Variants in CSMD3 observed in about 807,000 individuals in gnomAD.
CSMD3 encodes CUB and sushi domain-containing protein 3.
A neutral mutation model predicts 435.2 loss-of-function variants in CSMD3; 177 were observed. The ratio of observed to expected loss-of-function variants is 0.41; its 90% CI spans 0.36 to 0.46. The LOEUF (loss-of-function observed/expected upper bound fraction) is 0.46. Among genes scored for constraint, CSMD3 ranks in the 20% least tolerant of loss-of-function variants. The pLI is 0.34. For synonymous variants in CSMD3, 1,656 were observed against 1,520.5 expected (o/e 1.09, Z -2.07); for missense variants, 4,265 against 4,504.6 (o/e 0.95, Z 1.52).
chr8:112,421,106 C>G (rs982173969), intron 32 of CSMD3, among the ~76,000 whole-genome samples: 1 of 150,818 alleles, frequency 6.6e-6, no homozygotes, highest in Non-Finnish European at 1.5e-5. Flanking sequence ...CTTAACTTTG[C>G]AAAAAAAATC....
intron 11 of CSMD3, among the ~76,000 whole-genome samples, chr8:112,848,089 G>C (rs901330601): frequency 2.6e-5 from 4 of 152,146 alleles, no homozygotes; most frequent in African/African-American, 7.2e-5. Flanking sequence ...TTTGGGGCAA[G>C]TGTCCATAAA....
At chr8:113,144,874 A>G (rs1424598079) in intron 4 of CSMD3, among the ~76,000 whole-genome samples, 1 of 151,700 alleles carries the variant, frequency 6.6e-6, no homozygotes, top group African/African-American at 2.4e-5. Context: ...CAAAAATAAA[A>G]GTATAGTATT....
intron 10 of CSMD3, among the ~76,000 whole-genome samples, chr8:112,899,599 T>TTATA (rs71309794): frequency 0.011 from 1,123 of 99,898 alleles, 4 homozygotes; most frequent in Middle Eastern, 0.02. Context: ...CTTGTCTATT[T>TTATA]TATATATATA....
Position 113,001,946 on chromosome 8 carries a change from C to T in CSMD3, c.1030+17121G>A, listed in dbSNP as rs78394419. On this transcript the variant is annotated intron_variant, in intron 6 of 70. Transcript: ENST00000297405. The stretch of plus-strand genomic sequence containing the variant: ...TGGATGGATGAATGACTACTCTGGG[C>T]AGGTCACAGTGGGACTGAGGGAGTG... 7.9e-3 allele frequency among the ~76,000 whole-genome samples: 1,201 copies of T among 152,010 alleles called. 20 individuals are homozygous for T. Among genetic ancestry groups the T allele is most frequent in the African/African-American group, 0.027 (1,127 of 41,480 alleles).
At chr8:113,275,706 A>G (rs955274030) in intron 3 of CSMD3, among the ~76,000 whole-genome samples, 4 of 152,066 alleles carry the variant, frequency 2.6e-5, no homozygotes, top group African/African-American at 9.7e-5. Context: ...ATTTTTAAAA[A>G]TACAGGTAAG....
At chr8:113,373,534 A>G (rs2094359888) in intron 1 of CSMD3, among the ~76,000 whole-genome samples, 1 of 151,972 alleles carries the variant, frequency 6.6e-6, no homozygotes, top group Admixed American at 6.6e-5. Context: ...TTATATGTGT[A>G]TATATATTTA....
At chr8:112,291,822 TAA>T (rs1819792818) in intron 55 of CSMD3, 127 bp from the exon 56 acceptor site, 1 of 652,154 alleles carries the variant, frequency 1.5e-6, no homozygotes. Context: ...ATTCCAATAA[TAA>T]AATTAATCCC....
intron 32 of CSMD3, among the ~76,000 whole-genome samples, chr8:112,452,571 T>G (rs1368508135): frequency 6.6e-6 from 1 of 152,234 alleles, no homozygotes; most frequent in Non-Finnish European, 1.5e-5. Flanking sequence ...TTTTCAAAGA[T>G]GTAGAAGTAC....
At chr8:113,101,574 A>C (rs2090331176) in intron 4 of CSMD3, among the ~76,000 whole-genome samples, 1 of 152,024 alleles carries the variant, frequency 6.6e-6, no homozygotes, top group Non-Finnish European at 1.5e-5. Flanking sequence ...AAATAACTCT[A>C]CACTCCTGAC....
intron 9 of CSMD3, among the ~76,000 whole-genome samples, chr8:112,926,799 G>A (rs1322612303): frequency 6.6e-6 from 1 of 152,078 alleles, no homozygotes; most frequent in Non-Finnish European, 1.5e-5. Context: ...AAAAAAAGCA[G>A]AGGAGGAATG....
intron 25 of CSMD3, among the ~76,000 whole-genome samples, chr8:112,554,872 T>A (rs1037699138): frequency 2.0e-5 from 3 of 152,008 alleles, no homozygotes; most frequent in Admixed American, 1.3e-4. Context: ...AAGAAAAGTT[T>A]CCTTATTTGA....
At chr8:113,051,320 G>T (rs75449776) in intron 5 of CSMD3, among the ~76,000 whole-genome samples, 5 of 151,812 alleles carry the variant, frequency 3.3e-5, no homozygotes, top group African/African-American at 9.7e-5. Flanking sequence ...CCAAATGAGG[G>T]TTATTTTTTT....
intron 11 of CSMD3, among the ~76,000 whole-genome samples, chr8:112,831,022 C>T (rs1192061173): frequency 1.3e-5 from 2 of 151,958 alleles, no homozygotes; most frequent in Non-Finnish European, 2.9e-5. Context: ...CTCCTGGCCT[C>T]GTGATCCGCC....
At chr8:113,285,481 G>A (rs1471238668) in intron 2 of CSMD3, among the ~76,000 whole-genome samples, 2 of 152,054 alleles carry the variant, frequency 1.3e-5, no homozygotes, top group South Asian at 4.1e-4. Flanking sequence ...GGATGGTCTC[G>A]ATCTCCTGAC....
intron 38 of CSMD3, among the ~76,000 whole-genome samples, chr8:112,379,697 G>A (rs545632346): frequency 1.3e-5 from 2 of 152,226 alleles, no homozygotes; most frequent in African/African-American, 4.8e-5. Context: ...AACCACAAAA[G>A]ATCTTGAATA....
chr8:112,551,549 G>A (rs1827687634), intron 26 of CSMD3, among the ~76,000 whole-genome samples: 2 of 152,022 alleles, frequency 1.3e-5, no homozygotes, highest in South Asian at 4.1e-4. Flanking sequence ...TTAAATTTAA[G>A]TTGCAATTTA....
At chr8:112,486,231 A>T (rs1820121374) in intron 31 of CSMD3, among the ~76,000 whole-genome samples, 1 of 151,912 alleles carries the variant, frequency 6.6e-6, no homozygotes, top group African/African-American at 2.4e-5. Context: ...ACATTAAACC[A>T]ATTAAAATAT....
intron 38 of CSMD3, among the ~76,000 whole-genome samples, chr8:112,378,893 G>A (rs961659547): frequency 6.6e-6 from 1 of 151,800 alleles, no homozygotes; most frequent in African/African-American, 2.4e-5. Context: ...TTGTATACAT[G>A]TACAAAAACA....
chr8:113,264,586 T>C (rs1168475302), intron 3 of CSMD3, among the ~76,000 whole-genome samples: 2 of 151,490 alleles, frequency 1.3e-5, no homozygotes, highest in Non-Finnish European at 3.0e-5. Context: ...CTTGTTTTTC[T>C]TTTTGTGCTA....
Sources: gnomAD v4.1 joint callset for allele counts (sites outside exome capture counted in the v4.1 genomes callset) on GRCh38, gnomAD v4.1.1 for gene constraint, MANE v1.5 for transcripts, NCBI Gene and HGNC (gene_info 2026-07-23, HGNC 2026-07-21) for gene names.